The following ERGIC1 variants were observed in gnomAD, a reference collection of about 807,000 sequenced individuals.
ERGIC1 encodes endoplasmic reticulum-golgi intermediate compartment 1.
ERGIC1 carries 19 observed loss-of-function variants against 38.3 expected under a neutral mutation model. The observed-to-expected ratio is 0.50, with a 90% CI of 0.35 to 0.73. The LOEUF is 0.73. Ranked by LOEUF, ERGIC1 falls within the 30% of genes least tolerant of loss-of-function variation. The pLI is 0.01. For synonymous variants in ERGIC1, 124 were observed against 157.6 expected, an observed-to-expected ratio of 0.79 and a Z score of 1.60; for missense variants, 294 against 389.2, an observed-to-expected ratio of 0.76 and a Z score of 2.06.
At chr5:172,913,266 C>G (rs753148206) in intron 4 of ERGIC1, among the ~76,000 whole-genome samples, 2 of 152,248 alleles carry the variant, frequency 1.3e-5, no homozygotes, top group Non-Finnish European at 2.9e-5. Flanking sequence ...TCCACTGGCT[C>G]CAGTGATAAG....
intron 4 of ERGIC1, among the ~76,000 whole-genome samples, chr5:172,911,014 C>T (rs1763194576): frequency 1.3e-5 from 2 of 152,114 alleles, no homozygotes; most frequent in South Asian, 4.1e-4. Flanking sequence ...TGCCATGGTC[C>T]CTAGACTTGT....
chr5:172,906,341 G>A (rs1763023463), intron 3 of ERGIC1, among the ~76,000 whole-genome samples: 1 of 152,160 alleles, frequency 6.6e-6, no homozygotes. Flanking sequence ...ATGTGACTCC[G>A]GGGATGGGAC....
chr5:172,931,856 A>AGTT (rs1763781706), intron 7 of ERGIC1, among the ~76,000 whole-genome samples: 1 of 67,848 alleles, frequency 1.5e-5, no homozygotes, highest in Non-Finnish European at 3.2e-5. Flanking sequence ...TAGCACCCAC[A>AGTT]CTTTTTTTTT....
intron 9 of ERGIC1, among the ~76,000 whole-genome samples, chr5:172,944,206 C>T (rs1764070257): frequency 6.6e-6 from 1 of 152,200 alleles, no homozygotes; most frequent in Non-Finnish European, 1.5e-5. Flanking sequence ...GGCTCAGTGA[C>T]CCTGCTCCCT....
chr5:172,863,584 C>T (rs975626357), intron 1 of ERGIC1, among the ~76,000 whole-genome samples: 3 of 152,184 alleles, frequency 2.0e-5, no homozygotes, highest in Non-Finnish European at 4.4e-5. Context: ...GAATTCAAGT[C>T]AGCATTTTTG....
At chr5:172,947,224 A>C (rs916366692) in intron 9 of ERGIC1, among the ~76,000 whole-genome samples, 1 of 150,838 alleles carries the variant, frequency 6.6e-6, no homozygotes, top group African/African-American at 2.4e-5. Context: ...TTGCTCTGTC[A>C]CCTAGGCTGG....
chr5:172,861,878 C>T (rs895713077), intron 1 of ERGIC1, among the ~76,000 whole-genome samples: 2 of 152,184 alleles, frequency 1.3e-5, no homozygotes, highest in Non-Finnish European at 2.9e-5. Context: ...GCAGTGTGGA[C>T]TACTTTTCAG....
intron 1 of ERGIC1, among the ~76,000 whole-genome samples, chr5:172,884,467 C>G: frequency 6.6e-6 from 1 of 152,080 alleles, no homozygotes; most frequent in Non-Finnish European, 1.5e-5. Flanking sequence ...GTTGCCCAGG[C>G]TTTTCTTGAA....
At chr5:172,894,891 A>C (rs1163430413) in intron 2 of ERGIC1, among the ~76,000 whole-genome samples, 1 of 152,242 alleles carries the variant, frequency 6.6e-6, no homozygotes, top group Admixed American at 6.5e-5. Context: ...GTTTGTTTTG[A>C]AGACAGATAG....
At chr5:172,899,713 C>T (rs1417813341) in intron 3 of ERGIC1, among the ~76,000 whole-genome samples, 1 of 152,122 alleles carries the variant, frequency 6.6e-6, no homozygotes, top group Non-Finnish European at 1.5e-5. Context: ...GCTGAAAACG[C>T]CAGTGGTAGA....
At chr5:172,908,300 C>CGGGGGG (rs374463442) in intron 3 of ERGIC1, among the ~76,000 whole-genome samples, 2 of 17,152 alleles carry the variant, frequency 1.2e-4, no homozygotes, top group South Asian at 4.6e-3. Flanking sequence ...GAGGCTGAGG[C>CGGGGGG]GGGGGCGGGG....
intron 4 of ERGIC1, among the ~76,000 whole-genome samples, chr5:172,912,255 G>A (rs2113392718): frequency 6.6e-6 from 1 of 152,114 alleles, no homozygotes; most frequent in East Asian, 1.9e-4. Context: ...TGAAGGGTGG[G>A]GGCTCAGAAG....
At chr5:172,839,602 CACATACACAT>C (rs1324553089) in intron 1 of ERGIC1, among the ~76,000 whole-genome samples, 2 of 149,862 alleles carry the variant, frequency 1.3e-5, no homozygotes, top group Middle Eastern at 3.4e-3. Flanking sequence ...CACATACACA[CACATACACAT>C]ACACATATAG....
At chr5:172,945,873 C>T (rs1367518428) in intron 9 of ERGIC1, among the ~76,000 whole-genome samples, 1 of 152,122 alleles carries the variant, frequency 6.6e-6, no homozygotes, top group African/African-American at 2.4e-5. Flanking sequence ...TCAGTAAAAA[C>T]AGGGTTTCAC....
At chr5:172,912,667 G>A (rs919658223) in intron 4 of ERGIC1, among the ~76,000 whole-genome samples, 6 of 152,156 alleles carry the variant, frequency 3.9e-5, no homozygotes, top group South Asian at 2.1e-4. Context: ...GATTACAGGC[G>A]TGAGCCACCG....
At chr5:172,903,287 C>T (rs1173402603) in intron 3 of ERGIC1, among the ~76,000 whole-genome samples, 1 of 152,122 alleles carries the variant, frequency 6.6e-6, no homozygotes, top group Non-Finnish European at 1.5e-5. Flanking sequence ...CAACTGGACC[C>T]CTAAGCACCC....
At chr5:172,882,046 C>T (rs1203274916) in intron 1 of ERGIC1, among the ~76,000 whole-genome samples, 1 of 152,216 alleles carries the variant, frequency 6.6e-6, no homozygotes, top group African/African-American at 2.4e-5. Flanking sequence ...CTCCTGATAA[C>T]CCATTTTCTT....
At chr5:172,906,055 C>T (rs760224095) in intron 3 of ERGIC1, 3 of 456,090 alleles carry the variant, frequency 6.6e-6, no homozygotes, top group South Asian at 4.6e-5. Flanking sequence ...TCTTATTTGG[C>T]CTAGGAAATC....
At chr5:172,861,197 G>C (rs1483105209) in intron 1 of ERGIC1, among the ~76,000 whole-genome samples, 1 of 152,174 alleles carries the variant, frequency 6.6e-6, no homozygotes, top group Admixed American at 6.5e-5. Context: ...ACCCACCTCA[G>C]AGTCTTGGCC....
Sources: gnomAD v4.1 joint callset for allele counts (sites outside exome capture counted in the v4.1 genomes callset) on GRCh38, gnomAD v4.1.1 for gene constraint, MANE v1.5 for transcripts, NCBI Gene and HGNC (gene_info 2026-07-23, HGNC 2026-07-21) for gene names.